TEX14: variants seen among roughly 807,000 people sequenced by gnomAD.
TEX14 encodes the protein inactive serine/threonine-protein kinase TEX14.
Under a neutral mutation model 178.6 loss-of-function variants are expected in TEX14, and 168 were observed. The ratio of observed to expected loss-of-function variants is 0.94; its 90% confidence interval spans 0.83 to 1.07. TEX14 has a LOEUF of 1.07. TEX14 is among the 50% of genes least tolerant of loss of function. TEX14 has a pLI of 0.00. For synonymous variants in TEX14, 626 were observed against 634.1 expected (o/e 0.99, Z 0.19); for missense variants, 1,730 against 1,753.6 (o/e 0.99, Z 0.24).
chr17:58,566,308 T>A (rs1044859339), intron 26 of TEX14, among the ~76,000 whole-genome samples: 7 of 152,222 alleles, frequency 4.6e-5, no homozygotes, highest in Non-Finnish European at 8.8e-5. Flanking sequence ...TGAGGAAATT[T>A]AGGTTAAGAA....
At chr17:58,618,032 G>A (rs1005793902) in intron 5 of TEX14, among the ~76,000 whole-genome samples, 5 of 152,192 alleles carry the variant, frequency 3.3e-5, no homozygotes, top group Admixed American at 2.0e-4. Context: ...TGCCAGCCAC[G>A]TAAGCGAGCC....
rs1313979114 is a variant in TEX14 at position 58,611,112 on chromosome 17, C to G, written c.1184+49G>C. 3 of 1,424,246 alleles carry G rather than the reference C, an allele frequency of 2.1e-6. No individual in the cohort carries two copies. The East Asian group carries it at 6.8e-5, about 32-fold the overall frequency. 88.2% of individuals were successfully genotyped at this position (1,424,246 alleles called of 1,614,324 possible). A position where few individuals can be genotyped will look rare whatever the true frequency, so the allele number is the denominator to read the frequency against. On this transcript the variant is annotated intron_variant, in intron 10 of 31. Coordinates refer to ENST00000349033, the MANE Select transcript of TEX14 (RefSeq NM_031272.5). The stretch of plus-strand genomic sequence containing the variant: ...GATTCTGTCTCTATAGGAAGGGTCC[C>G]CAAGGGAGATCAACTTCAGGAGAAA...
chr17:58,561,423 G>C (rs1002362686), intron 29 of TEX14, 97 bp downstream of exon 29: 13 of 839,250 alleles, frequency 1.5e-5, no homozygotes, highest in Non-Finnish European at 2.6e-5. Flanking sequence ...CTAAATCAAT[G>C]TAATGCCATC....
intron 19 of TEX14, chr17:58,581,664 G>T: frequency 6.2e-7 from 1 of 1,613,744 alleles, no homozygotes; most frequent in South Asian, 1.1e-5. Context: ...TCACCGTCTG[G>T]AGTTAAAAAT....
intron 1 of TEX14, among the ~76,000 whole-genome samples, chr17:58,667,897 A>T (rs1290587415): frequency 1.3e-5 from 2 of 151,924 alleles, no homozygotes; most frequent in Non-Finnish European, 2.9e-5. Context: ...TGGCTAAAAA[A>T]AAAAAAAAAA....
At chr17:58,565,661 A>G (rs903467021) in intron 27 of TEX14, 86 bp downstream of exon 27, 45 of 935,368 alleles carry the variant, frequency 4.8e-5, no homozygotes, top group Non-Finnish European at 7.2e-5. Context: ...CCTGACCTCA[A>G]GGTCACACTT....
chr17:58,667,053 G>C (rs2047226228), intron 1 of TEX14, among the ~76,000 whole-genome samples: 1 of 152,134 alleles, frequency 6.6e-6, no homozygotes, highest in Admixed American at 6.6e-5. Flanking sequence ...TGACAAAAAC[G>C]CACCACCTCA....
intron 1 of TEX14, among the ~76,000 whole-genome samples, chr17:58,683,350 G>C (rs1299310810): frequency 6.6e-6 from 1 of 150,396 alleles, no homozygotes; most frequent in Non-Finnish European, 1.5e-5. Flanking sequence ...TCCAGCCTGA[G>C]TGACAAAGCA....
chr17:58,665,481 C>T (rs2047187648), intron 1 of TEX14, among the ~76,000 whole-genome samples: 1 of 151,912 alleles, frequency 6.6e-6, no homozygotes, highest in Admixed American at 6.6e-5. Flanking sequence ...GGCTGTAGTC[C>T]AGCTACTCTG....
Position 58,623,026 on chromosome 17 carries a change from T to C in TEX14, c.252-14A>G. On this transcript the variant is annotated splice_polypyrimidine_tract_variant and intron_variant, in intron 3 of 31. Transcript: ENST00000349033. The stretch of plus-strand genomic sequence containing the variant: ...TCAAAGCAGCGGCTGGGGAGGGAGA[T>C]GAGTACAATTGATGTCCATGGCAAT... 1 of 1,580,716 alleles carries C rather than the reference T, an allele frequency of 6.3e-7. No homozygotes were observed. Among genetic ancestry groups the C allele is most frequent in the Admixed American group, 1.7e-5 (1 of 59,384 alleles).
In TEX14 at chr17:58,598,996, C is replaced by G. The variant is rs2045360786; in HGVS notation, c.2349G>C (p.Lys783Asn). 6.2e-7 allele frequency: 1 copy of G among 1,614,176 alleles called. No individual in the cohort carries two copies. Among genetic ancestry groups the G allele is most frequent in the African/African-American group, 1.3e-5 (1 of 75,040 alleles). Reference sequence around the variant, plus strand: ...ATGGAGGGCCCACGGCCAGAGGTAACTTGTAGGCATTTGTAAACTCTCTTG... The same window carrying G: ...ATGGAGGGCCCACGGCCAGAGGTAAGTTGTAGGCATTTGTAAACTCTCTTG... ...ATSREFTNAY[K>N]LPLAVGPPSL... The change falls in exon 14 of 32, where the codon AAG becomes AAC. Residue 783 changes from lysine to asparagine, a missense_variant. By Grantham distance (94) the Lys-to-Asn change is moderately conservative (BLOSUM62 0). Around this residue, in one of 2 missense-constraint regions of TEX14, gnomAD observed 941 missense variants for 1,072.4 expected, o/e 0.88. Transcript: ENST00000349033.
At chr17:58,651,758 CT>C (rs2143258044) in intron 2 of TEX14, 107 bp downstream of exon 2, 1 of 1,043,414 alleles carries the variant, frequency 9.6e-7, no homozygotes, top group East Asian at 2.6e-5. Context: ...CATTTAATTT[CT>C]GGATTTCCCC....
intron 10 of TEX14, among the ~76,000 whole-genome samples, chr17:58,608,544 C>T (rs1306840871): frequency 6.6e-6 from 1 of 152,216 alleles, no homozygotes; most frequent in Non-Finnish European, 1.5e-5. Context: ...CCACTGCACT[C>T]CAGCCTGGGC....
intron 6 of TEX14, among the ~76,000 whole-genome samples, chr17:58,616,678 T>A (rs112956806): frequency 6.6e-6 from 1 of 152,030 alleles, no homozygotes; most frequent in Non-Finnish European, 1.5e-5. Context: ...CCCACCTTGG[T>A]CTCCCAAAGT....
At chr17:58,560,332 T>C (rs2044248947) in intron 29 of TEX14, among the ~76,000 whole-genome samples, 1 of 152,302 alleles carries the variant, frequency 6.6e-6, no homozygotes, top group South Asian at 2.1e-4. Context: ...CTCTTAATAT[T>C]TTCCCACTAA....
intron 5 of TEX14, among the ~76,000 whole-genome samples, chr17:58,618,836 T>G (rs1405681141): frequency 6.6e-6 from 1 of 152,258 alleles, no homozygotes; most frequent in Non-Finnish European, 1.5e-5. Flanking sequence ...CTCTGATGTT[T>G]AGACTGAGAT....
chr17:58,657,216 T>A (rs998090598), intron 1 of TEX14, among the ~76,000 whole-genome samples: 10 of 152,062 alleles, frequency 6.6e-5, no homozygotes, highest in African/African-American at 2.4e-4. Flanking sequence ...GTGATCCTCC[T>A]ACCTCAGCCT....
In TEX14 at chr17:58,692,045, T is replaced by G. The variant is rs1047380637; in HGVS notation, c.-108A>C. The G allele has an allele frequency of 6.9e-6, 1 of 145,452 alleles. No individual in the cohort carries two copies. Among genetic ancestry groups the G allele is most frequent in the Non-Finnish European group, 1.5e-5 (1 of 68,326 alleles). The allele number at this position is 145,452 out of a possible 1,614,324, so 9.0% of individuals were successfully genotyped here. On this transcript the variant is annotated 5_prime_UTR_variant, in exon 1 of 32. Coordinates refer to ENST00000349033, the MANE Select transcript of TEX14 (RefSeq NM_031272.5). ...GGAAGACGTGGGTGGGTGCGGGGAA[T>G]GCGGACTGATCCCTCCCAGCGGCCG...
chr17:58,655,279 G>A (rs1292661091), intron 1 of TEX14, among the ~76,000 whole-genome samples: 1 of 152,064 alleles, frequency 6.6e-6, no homozygotes, highest in East Asian at 1.9e-4. Context: ...CGCCTCCCGG[G>A]TTCAAGCGAT....
Sources: allele counts gnomAD v4.1 joint callset (sites outside exome capture counted in the v4.1 genomes callset), GRCh38; gene constraint gnomAD v4.1.1; regional missense constraint gnomAD v4.1.1; transcripts MANE v1.5; gene names NCBI Gene and HGNC (gene_info 2026-07-23, HGNC 2026-07-21).